The following TIMM23 variants were observed in gnomAD, a reference collection of about 807,000 sequenced individuals.
The protein encoded by TIMM23 is translocase of inner mitochondrial membrane 23.
A neutral mutation model predicts 30.7 loss-of-function variants in TIMM23; 19 were observed. The ratio of observed to expected loss-of-function variants is 0.62; its 90% CI spans 0.43 to 0.91. The LOEUF (loss-of-function observed/expected upper bound fraction) is 0.91. Among genes scored for constraint, TIMM23 ranks in the 40% least tolerant of loss-of-function variants. The pLI is 0.00. For missense variants in TIMM23, 202 were observed against 269.2 expected, an observed-to-expected ratio of 0.75 and a Z score of 1.75; for synonymous variants, 78 against 98.5, an observed-to-expected ratio of 0.79 and a Z score of 1.23.
At chr10:45,977,771 C>A (rs1837717514) in intron 2 of TIMM23, among the ~76,000 whole-genome samples, 1 of 152,304 alleles carries the variant, frequency 6.6e-6, no homozygotes, top group African/African-American at 2.4e-5. Flanking sequence ...GTGGCTCATA[C>A]CTGTAATCCC....
Position 45,972,537 on chromosome 10 carries a change from G to C in TIMM23, c.-88G>C. On this transcript the variant is annotated 5_prime_UTR_variant, in exon 1 of 7. Transcript: ENST00000580018. ...TGTGAAGTAGGCGCTGGCAACGCGG[G>C]GTTACCCGCTGTTATTGAGGAGTAA... 7.3e-6 allele frequency: 11 copies of C among 1,505,098 alleles called. No individual in the cohort carries two copies. The highest frequency in any genetic ancestry group is 7.1e-6 in the Non-Finnish European group (8 of 1,120,680). The allele number at this position is 1,505,098 out of a possible 1,614,324, so 93.2% of individuals were successfully genotyped here. A position where few individuals can be genotyped will look rare whatever the true frequency, so the allele number is the denominator to read the frequency against.
At chr10:45,972,855 G>C in intron 1 of TIMM23, 125 bp downstream of exon 1, 1 of 1,522,768 alleles carries the variant, frequency 6.6e-7, no homozygotes, top group Non-Finnish European at 8.8e-7. Flanking sequence ...TTAAGTACCA[G>C]TGGTGGGGTT....
At position 46,003,251 on chromosome 10, in the gene TIMM23, C is replaced by G. The variant is rs368429294; in HGVS notation, c.563C>G (p.Thr188Ser). ...GGTGGTCTGACAGGACTAACACTTA[C>G]CAGCCTCTATGCACTATATAATAAC... ...ARGGLTGLTL[T>S]SLYALYNNWE... Residue 188 changes from threonine (T) to serine (S), a missense_variant, in exon 7 of 7, where the codon ACC (threonine) becomes AGC (serine). By Grantham distance (58) the Thr-to-Ser change is moderately conservative (BLOSUM62 1). Transcript: ENST00000580018. 4 of 1,614,056 alleles carry G rather than the reference C, an allele frequency of 2.5e-6. No individual in the cohort carries two copies. Among genetic ancestry groups the G allele is most frequent in the African/African-American group, 2.7e-5 (2 of 74,936 alleles).
At chr10:46,001,072 GGA>G (rs2132287597) in intron 6 of TIMM23, among the ~76,000 whole-genome samples, 1 of 152,304 alleles carries the variant, frequency 6.6e-6, no homozygotes, top group African/African-American at 2.4e-5. Flanking sequence ...TTCCACATTA[GGA>G]ATTTGGTCTA....
chr10:45,985,962 TAGTC>T (rs1185798497), intron 5 of TIMM23, among the ~76,000 whole-genome samples: 5 of 152,248 alleles, frequency 3.3e-5, no homozygotes, highest in African/African-American at 1.2e-4. Context: ...TAGTAGTGCT[TAGTC>T]AGAGCCTTAT....
intron 2 of TIMM23, among the ~76,000 whole-genome samples, chr10:45,978,934 C>T (rs1406288827): frequency 6.6e-6 from 1 of 152,098 alleles, no homozygotes; most frequent in African/African-American, 2.4e-5. Context: ...CATATCCATA[C>T]AATGGAATAT....
chr10:45,985,721 T>C (rs1449847314), intron 5 of TIMM23, among the ~76,000 whole-genome samples: 1 of 152,238 alleles, frequency 6.6e-6, no homozygotes, highest in Non-Finnish European at 1.5e-5. Flanking sequence ...AAATCATGTT[T>C]AAATGAAATC....
At chr10:45,972,783 C>T in intron 1 of TIMM23, 53 bp downstream of exon 1, 1 of 1,603,566 alleles carries the variant, frequency 6.2e-7, no homozygotes, top group Non-Finnish European at 8.5e-7. Flanking sequence ...TGCGTCTACA[C>T]TAAGTTGCGC....
At chr10:45,972,793 C>G (rs1837533491) in intron 1 of TIMM23, 63 bp downstream of exon 1, 1 of 1,596,256 alleles carries the variant, frequency 6.3e-7, no homozygotes, top group Admixed American at 1.7e-5. Flanking sequence ...CTAAGTTGCG[C>G]GTCCCATGTT....
intron 6 of TIMM23, among the ~76,000 whole-genome samples, chr10:45,994,862 C>G (rs1486023783): frequency 1.3e-5 from 2 of 152,128 alleles, no homozygotes; most frequent in Admixed American, 6.5e-5. Context: ...CTTAGAGTGC[C>G]TAAGGTCATT....
chr10:45,994,973 TTAA>T (rs1838285789), intron 6 of TIMM23, among the ~76,000 whole-genome samples: 1 of 152,040 alleles, frequency 6.6e-6, no homozygotes, highest in Admixed American at 6.5e-5. Context: ...TAACCAGAAA[TTAA>T]TAAGACATTG....
chr10:45,972,881 C>A (rs1318032612), intron 1 of TIMM23, 151 bp downstream of exon 1: 1 of 1,431,116 alleles, frequency 7.0e-7, no homozygotes. Context: ...ATCTGCATGG[C>A]TGCTCTTTCA....
intron 2 of TIMM23, among the ~76,000 whole-genome samples, chr10:45,979,558 T>C (rs1359987492): frequency 2.0e-5 from 3 of 148,716 alleles, no homozygotes; most frequent in Non-Finnish European, 4.5e-5. Context: ...CCTTCTGCCT[T>C]GGCCTCCCAA....
chr10:45,981,079 C>T (rs1837830044), intron 2 of TIMM23, among the ~76,000 whole-genome samples: 2 of 148,356 alleles, frequency 1.3e-5, no homozygotes, highest in Non-Finnish European at 1.5e-5. Context: ...GCTGGGACTA[C>T]AGGCGCACAC....
chr10:45,974,670 AT>A (rs1837611181), intron 1 of TIMM23, among the ~76,000 whole-genome samples: 1 of 152,230 alleles, frequency 6.6e-6, no homozygotes, highest in Non-Finnish European at 1.5e-5. Flanking sequence ...GAGTTAGGAA[AT>A]TGTTGCTGTG....
At chr10:45,982,086 G>A (rs1191241793) in intron 2 of TIMM23, among the ~76,000 whole-genome samples, 1 of 152,046 alleles carries the variant, frequency 6.6e-6, no homozygotes, top group African/African-American at 2.4e-5. Flanking sequence ...CCAAACTGTT[G>A]TACTTTATTA....
chr10:45,984,430 A>G (rs1293855270), intron 4 of TIMM23, among the ~76,000 whole-genome samples: 1 of 152,226 alleles, frequency 6.6e-6, no homozygotes, highest in Non-Finnish European at 1.5e-5. Flanking sequence ...TGAACTTAAA[A>G]TATGTTAGTA....
At chr10:45,973,832 T>C (rs1281514109) in intron 1 of TIMM23, among the ~76,000 whole-genome samples, 4 of 151,584 alleles carry the variant, frequency 2.6e-5, no homozygotes, top group African/African-American at 7.3e-5. Context: ...TTTTGACTTA[T>C]TGTGGAGATG....
At chr10:45,996,719 C>T (rs1380673950) in intron 6 of TIMM23, among the ~76,000 whole-genome samples, 1 of 152,052 alleles carries the variant, frequency 6.6e-6, no homozygotes, top group Non-Finnish European at 1.5e-5. Flanking sequence ...GGTGTGGTAG[C>T]TCATGTCTAT....
Sources: allele counts gnomAD v4.1 joint callset (sites outside exome capture counted in the v4.1 genomes callset), GRCh38; gene constraint gnomAD v4.1.1; transcripts MANE v1.5; gene names NCBI Gene and HGNC (gene_info 2026-07-23, HGNC 2026-07-21).